Variants in G6PD observed in about 807,000 individuals in gnomAD.
G6PD encodes glucose-6-phosphate 1-dehydrogenase.
A neutral mutation model predicts 38.2 loss-of-function variants in G6PD; 2 were observed. The observed-to-expected ratio is 0.05, with a 90% CI of 0.02 to 0.16. G6PD has a LOEUF of 0.16. Ranked by LOEUF, G6PD falls within the 10% of genes least tolerant of loss-of-function variation. G6PD has a pLI of 1.00. For missense variants in G6PD, 310 were observed against 471.6 expected (o/e 0.66, Z 3.17); for synonymous variants, 188 against 196.0 (o/e 0.96, Z 0.34).
Position 154,533,000 on chromosome X carries a change from C to A in G6PD, c.993G>T (p.Gly331=). 1 of 1,212,020 alleles carries A rather than the reference C, an allele frequency of 8.3e-7. No homozygotes were observed. The highest frequency in any genetic ancestry group is 1.1e-6 in the Non-Finnish European group (1 of 895,480). Residue 331 remains glycine, a synonymous_variant, in exon 9 of 13, where the codon GGG becomes GGT. Coordinates refer to ENST00000393562, the MANE Select transcript of G6PD (RefSeq NM_001360016.2). The part of the protein sequence containing the change: ...GYLDDPTVPR[G]STTATFAAVV... ...CGGCTGCAAAAGTGGCGGTGGTGGA[C>A]CCGCGGGGCACCGTGGGGTCGTCCA...
At chrX:154,537,399 C>T (rs2070422462) in intron 2 of G6PD, among the ~76,000 whole-genome samples, 1 of 112,127 alleles carries the variant, frequency 8.9e-6, no homozygotes, top group South Asian at 3.7e-4. Context: ...GGATGGATTA[C>T]CTGAGTTCGG....
In G6PD at chrX:154,534,509, C is replaced by T; in HGVS notation, c.486-13G>A. The T allele has an allele frequency of 4.1e-6, 5 of 1,210,312 alleles. No individual in the cohort carries two copies. Among genetic ancestry groups the T allele is most frequent in the Non-Finnish European group, 3.4e-6 (3 of 895,283 alleles). On this transcript the variant is annotated splice_polypyrimidine_tract_variant and intron_variant, in intron 5 of 12. Transcript: ENST00000393562. ...GCGGTTCCAGCCTCTGCTGGGAGCC[C>T]GGAGCTGCGTTACCCCCTTGAACCC... is the stretch of plus-strand genomic sequence containing the variant.
At chrX:154,537,460 A>G (rs1322799546) in intron 2 of G6PD, among the ~76,000 whole-genome samples, 3 of 111,745 alleles carry the variant, frequency 2.7e-5, no homozygotes, top group African/African-American at 9.8e-5. Flanking sequence ...TACTAAAAAT[A>G]CAAAATTGGC....
At chrX:154,541,660 CTCATCTT>C (rs2070510070) in intron 2 of G6PD, among the ~76,000 whole-genome samples, 1 of 111,898 alleles carries the variant, frequency 8.9e-6, no homozygotes. Context: ...TTGGGAGCTT[CTCATCTT>C]CCCCACGCCC....
At chrX:154,534,777 G>A (rs1375678764) in intron 5 of G6PD, among the ~76,000 whole-genome samples, 1 of 111,781 alleles carries the variant, frequency 8.9e-6, no homozygotes, top group African/African-American at 3.2e-5. Context: ...GTGGCCTGAA[G>A]GCCTGTAGGG....
At chrX:154,538,260 G>A (rs1557231168) in intron 2 of G6PD, among the ~76,000 whole-genome samples, 1 of 111,584 alleles carries the variant, frequency 9.0e-6, no homozygotes, top group East Asian at 2.8e-4. Context: ...CTCCCAAAGT[G>A]TTGGGATTAC....
chrX:154,531,719 G>A lies in G6PD; in HGVS notation c.*281C>T, dbSNP rs975719422. Reference sequence around the variant, plus strand: ...TAAGCTCTGGGACAGACGAATGGGCGCCCTCCTCCTTCCTTCTGTTGGGCT... The same window carrying A: ...TAAGCTCTGGGACAGACGAATGGGCACCCTCCTCCTTCCTTCTGTTGGGCT... On this transcript the variant is annotated 3_prime_UTR_variant, in exon 13 of 13. Transcript: ENST00000393562. The A allele has an allele frequency of 1.7e-4, 68 of 397,317 alleles. No homozygotes were observed. The highest frequency in any genetic ancestry group is 8.1e-4 in the African/African-American group (32 of 39,357). The allele number at this position is 397,317 out of a possible 1,213,427, so 32.7% of individuals were successfully genotyped here.
intron 2 of G6PD, 150 bp downstream of exon 2, chrX:154,545,886 G>T: frequency 4.6e-6 from 3 of 645,837 alleles, no homozygotes; most frequent in Non-Finnish European, 7.4e-6. Flanking sequence ...ACACCAGGTA[G>T]AGCCGGGATG....
At chrX:154,545,306 G>A (rs1158739219) in intron 2 of G6PD, among the ~76,000 whole-genome samples, 1 of 112,278 alleles carries the variant, frequency 8.9e-6, no homozygotes, top group Non-Finnish European at 1.9e-5. Context: ...AAGAGACAGT[G>A]TTCAAAGAAA....
intron 2 of G6PD, among the ~76,000 whole-genome samples, chrX:154,541,595 G>C (rs947262371): frequency 5.4e-5 from 6 of 111,934 alleles, no homozygotes; most frequent in South Asian, 7.4e-4. Flanking sequence ...TTGGTCAAGA[G>C]TCTACTCGTG....
rs781885515 is a variant in G6PD at position 154,533,673 on chromosome X, G to C, written c.771-4C>G. On this transcript the variant is annotated splice_region_variant and splice_polypyrimidine_tract_variant and intron_variant, in intron 7 of 12. Transcript: ENST00000393562. The stretch of plus-strand genomic sequence containing the variant: ...TAGGTGGTTCTGCATCACGTCCCTG[G>C]GGACGGAAGAGGCCAGAGCTCGCCT... 1.7e-6 allele frequency: 2 copies of C among 1,211,844 alleles called. No individual in the cohort carries two copies. The highest frequency in any genetic ancestry group is 2.2e-6 in the Non-Finnish European group (2 of 895,385).
At chrX:154,532,850 G>A in intron 9 of G6PD, 48 bp from the exon 10 acceptor site, 1 of 1,202,778 alleles carries the variant, frequency 8.3e-7, no homozygotes, top group Non-Finnish European at 1.1e-6. Context: ...TCAGGGTGTG[G>A]ACCAGTGCGT....
intron 5 of G6PD, 102 bp from the exon 6 acceptor site, chrX:154,534,598 G>C: frequency 2.0e-6 from 2 of 1,009,558 alleles, no homozygotes. Flanking sequence ...GTAGAGGCCA[G>C]AACCTCCTCG....
At chrX:154,545,140 C>T (rs1375478634) in intron 2 of G6PD, among the ~76,000 whole-genome samples, 3 of 111,355 alleles carry the variant, frequency 2.7e-5, no homozygotes, top group African/African-American at 6.5e-5. Flanking sequence ...CGATGGCTGT[C>T]CTAGGACCAC....
intron 2 of G6PD, among the ~76,000 whole-genome samples, chrX:154,540,752 C>A (rs1245169172): frequency 9.0e-6 from 1 of 111,627 alleles, no homozygotes; most frequent in African/African-American, 3.3e-5. Flanking sequence ...GGTCAAACGC[C>A]CTCACCCAGA....
intron 5 of G6PD, chrX:154,534,959 C>T: frequency 2.2e-6 from 1 of 463,675 alleles, no homozygotes; most frequent in Non-Finnish European, 3.8e-6. Flanking sequence ...GCAAGGCTGC[C>T]ACCCTGCGGC....
At chrX:154,536,277 A>G in intron 2 of G6PD, 99 bp from the exon 3 acceptor site, 3 of 798,599 alleles carry the variant, frequency 3.8e-6, no homozygotes, top group Non-Finnish European at 5.6e-6. Flanking sequence ...ACTCAGGATC[A>G]CTACTGGGCC....
At chrX:154,547,544 A>C (rs2070780038), upstream of G6PD, 1 of 753,892 alleles carries the variant, frequency 1.3e-6, no homozygotes, top group Non-Finnish European at 1.6e-6. Context: ...CCGCGGCCTC[A>C]CACTTCTCGC....
intron 2 of G6PD, among the ~76,000 whole-genome samples, chrX:154,543,134 C>G (rs1199637224): frequency 8.9e-6 from 1 of 111,908 alleles, no homozygotes; most frequent in East Asian, 2.8e-4. Context: ...CCCATCTCCC[C>G]CACAGCAGGA....
Sources: gnomAD v4.1 joint callset for allele counts (sites outside exome capture counted in the v4.1 genomes callset) on GRCh38, gnomAD v4.1.1 for gene constraint, MANE v1.5 for transcripts, NCBI Gene and HGNC (gene_info 2026-07-23, HGNC 2026-07-21) for gene names.